Variants in NCOR1 observed in about 807,000 individuals in gnomAD.
The protein encoded by NCOR1 is nuclear receptor corepressor 1, also known as protein phosphatase 1, regulatory subunit 109.
NCOR1 carries 63 observed loss-of-function variants against 288.1 expected under a neutral mutation model. That is an observed-to-expected ratio of 0.22 (90% CI 0.18 to 0.27). NCOR1 has a LOEUF of 0.27. NCOR1 is among the 10% of genes least tolerant of loss of function. The probability of loss-of-function intolerance (pLI) is 1.00; values close to 1 mark genes in which losing one functional copy is unlikely to be tolerated. For synonymous variants in NCOR1, 1,007 were observed against 1,065.9 expected (o/e 0.94, Z 1.08); for missense variants, 2,397 against 3,019.2 (o/e 0.79, Z 4.83).
intron 1 of NCOR1, among the ~76,000 whole-genome samples, chr17:16,197,694 A>G (rs114817275): frequency 0.023 from 3,577 of 152,220 alleles, 144 homozygotes; most frequent in African/African-American, 0.081. Context: ...AACTAGGAGG[A>G]GCTGAGATGT....
rs377029947 is a variant in NCOR1 at position 16,105,677 on chromosome 17, A to C, written c.2182+3109T>G. On this transcript the variant is annotated intron_variant, in intron 19 of 45. Coordinates refer to ENST00000268712, the MANE Select transcript of NCOR1 (RefSeq NM_006311.4). ...CCAAATGGAAATACTGTAGGTGATC[A>C]AATATATGAGCCTGGAGTTCACATG... Among the ~76,000 whole-genome samples, 3 of 152,228 alleles carry C rather than the reference A, an allele frequency of 2.0e-5. No homozygotes were observed. In the East Asian group the frequency reaches 5.8e-4, roughly 29 times the overall value.
rs1197242300 is a variant in NCOR1, at chr17:16,059,507, A to ACTAT, written c.5882-909_5882-908insATAG. 1.3e-5 allele frequency among the ~76,000 whole-genome samples: 2 copies of ACTAT among 152,224 alleles called. 1 individual carries two copies. The highest frequency in any genetic ancestry group is 2.9e-5 in the Non-Finnish European group (2 of 68,042). ...AGGATGTCAACCAACTCTGGAGGAT[A>ACTAT]CCCACATCAGAAAAGGACCTCCTCT... is the stretch of plus-strand genomic sequence containing the variant. On this transcript the variant is annotated intron_variant, in intron 37 of 45. Coordinates refer to ENST00000268712, the MANE Select transcript of NCOR1 (RefSeq NM_006311.4).
chr17:16,202,270 G>C (rs1046190281), intron 1 of NCOR1, among the ~76,000 whole-genome samples: 1 of 150,252 alleles, frequency 6.7e-6, no homozygotes, highest in African/African-American at 2.4e-5. Context: ...GCGTGGTGGT[G>C]CGCACCTGTA....
chr17:16,068,163 G>C (rs367844263), intron 31 of NCOR1, 42 bp from the exon 32 acceptor site: 5 of 1,418,930 alleles, frequency 3.5e-6, no homozygotes, highest in Non-Finnish European at 4.9e-6. Context: ...TAAGAAACTT[G>C]CAAGTATGAT....
intron 25 of NCOR1, 101 bp downstream of exon 25, chr17:16,080,304 AGAC>A: frequency 9.8e-7 from 1 of 1,023,078 alleles, no homozygotes; most frequent in Non-Finnish European, 1.4e-6. Context: ...TAGAATTTAA[AGAC>A]TATAGTTAAA....
chr17:16,065,825 A>AAGG lies in NCOR1; in HGVS notation c.4742-134_4742-132dup. The AAGG allele has an allele frequency of 6.7e-6, 5 of 741,124 alleles. No individual in the cohort carries two copies. In the South Asian group the frequency reaches 8.5e-5, roughly 13 times the overall value. 45.9% of individuals were successfully genotyped at this position (741,124 alleles called of 1,614,324 possible). On this transcript the variant is annotated intron_variant, in intron 32 of 45. Coordinates refer to ENST00000268712, the MANE Select transcript of NCOR1 (RefSeq NM_006311.4). ...GCACATGGAACTTTTACTTAGCTAC[A>AAGG]AGGATTAAGGTGGATTTATTTTAGA...
chr17:16,062,678 T>C (rs2060667719), intron 35 of NCOR1, among the ~76,000 whole-genome samples: 1 of 152,232 alleles, frequency 6.6e-6, no homozygotes, highest in African/African-American at 2.4e-5. Flanking sequence ...AGCATCATAA[T>C]GAAAATAATA....
At chr17:16,119,348 G>A (rs776851956) in intron 17 of NCOR1, 75 bp downstream of exon 17, 7 of 1,070,794 alleles carry the variant, frequency 6.5e-6, no homozygotes, top group Non-Finnish European at 9.8e-6. Flanking sequence ...AAAACAATTA[G>A]TTCCATCTCA....
At chr17:16,119,066 T>C (rs1347622812) in intron 17 of NCOR1, among the ~76,000 whole-genome samples, 4 of 152,340 alleles carry the variant, frequency 2.6e-5, no homozygotes, top group South Asian at 2.1e-4. Flanking sequence ...TTTTAGGTAA[T>C]AGAAATATAG....
intron 5 of NCOR1, among the ~76,000 whole-genome samples, chr17:16,159,413 C>CAAA (rs35243097): frequency 0.015 from 985 of 66,238 alleles, 12 homozygotes; most frequent in East Asian, 0.062. Context: ...AACTCTATCT[C>CAAA]AAAAAAAAAA....
chr17:16,062,073 A>T, intron 36 of NCOR1, 32 bp downstream of exon 36: 3 of 1,606,018 alleles, frequency 1.9e-6, no homozygotes, highest in Admixed American at 1.8e-5. Context: ...TGCAAGAGAC[A>T]TTTTTTGTCA....
chr17:16,123,745 C>T (rs947488866), intron 15 of NCOR1, among the ~76,000 whole-genome samples: 2 of 152,182 alleles, frequency 1.3e-5, no homozygotes, highest in Non-Finnish European at 2.9e-5. Context: ...CCAAATTATC[C>T]ACAGAGAAGT....
chr17:16,111,200 T>A, intron 18 of NCOR1, among the ~76,000 whole-genome samples: 1 of 152,216 alleles, frequency 6.6e-6, no homozygotes. Flanking sequence ...ACAACATCCC[T>A]CTGTTCACAT....
At chr17:16,188,349 T>C (rs528523147) in intron 2 of NCOR1, among the ~76,000 whole-genome samples, 152 of 152,298 alleles carry the variant, frequency 1.0e-3, no homozygotes, top group African/African-American at 3.5e-3. Flanking sequence ...CAGTGGCTCA[T>C]GCCTGTAATC....
chr17:16,056,306 A>ATTTT (rs2059910312), intron 40 of NCOR1, among the ~76,000 whole-genome samples: 3 of 73,080 alleles, frequency 4.1e-5, no homozygotes, highest in Non-Finnish European at 8.7e-5. Flanking sequence ...CATTCTTTTT[A>ATTTT]TCTTTTTTTT....
intron 3 of NCOR1, among the ~76,000 whole-genome samples, chr17:16,181,201 A>G (rs1230565961): frequency 3.8e-5 from 2 of 53,074 alleles, no homozygotes; most frequent in Non-Finnish European, 7.4e-5. Flanking sequence ...GTGTGTATAC[A>G]TATATATGTA....
chr17:16,059,133 T>TTTC (rs1223035037), intron 37 of NCOR1, among the ~76,000 whole-genome samples: 2 of 151,426 alleles, frequency 1.3e-5, no homozygotes, highest in East Asian at 3.9e-4. Context: ...GAGAACAGAT[T>TTTC]TATGATATTT....
chr17:16,086,264 AAAGAG>A lies in NCOR1; in HGVS notation c.3177+13_3177+17del. The stretch of plus-strand genomic sequence containing the variant: ...CCATATTCAACAAGAAATCTACTGT[AAAGAG>A]AAGTCGTTTCACCTGTGAGATGGAG... On this transcript the variant is annotated intron_variant, in intron 23 of 45. Coordinates refer to ENST00000268712, the MANE Select transcript of NCOR1 (RefSeq NM_006311.4). The A allele has an allele frequency of 6.2e-7, 1 of 1,610,232 alleles. No individual in the cohort carries two copies. The highest frequency in any genetic ancestry group is 2.2e-5 in the East Asian group (1 of 44,864).
intron 23 of NCOR1, among the ~76,000 whole-genome samples, chr17:16,081,608 T>A (rs1248395425): frequency 6.6e-6 from 1 of 152,044 alleles, no homozygotes; most frequent in Non-Finnish European, 1.5e-5. Context: ...ATAACTGTCA[T>A]TGTTTGACTT....
Sources: gnomAD v4.1 joint callset for allele counts (sites outside exome capture counted in the v4.1 genomes callset) on GRCh38, gnomAD v4.1.1 for gene constraint, MANE v1.5 for transcripts, NCBI Gene and HGNC (gene_info 2026-07-23, HGNC 2026-07-21) for gene names.